TRIM9: variants seen among roughly 807,000 people sequenced by gnomAD.
TRIM9 encodes tripartite motif containing 9, also known as E3 ubiquitin-protein ligase TRIM9.
A neutral mutation model predicts 78.3 loss-of-function variants in TRIM9; 26 were observed. The ratio of observed to expected loss-of-function variants is 0.33; its 90% confidence interval spans 0.24 to 0.46. TRIM9 has a LOEUF of 0.46. Ranked by LOEUF, TRIM9 falls within the 20% of genes least tolerant of loss-of-function variation. TRIM9 has a pLI of 1.00. For synonymous variants in TRIM9, 398 were observed against 416.5 expected (o/e 0.96, Z 0.54); for missense variants, 787 against 1,036.4 (o/e 0.76, Z 3.30).
intron 1 of TRIM9, among the ~76,000 whole-genome samples, chr14:51,052,809 C>A (rs1199539684): frequency 6.6e-6 from 1 of 152,152 alleles, no homozygotes; most frequent in Non-Finnish European, 1.5e-5. Flanking sequence ...GGTCTCCTCA[C>A]TTTACTGGTG....
intron 1 of TRIM9, among the ~76,000 whole-genome samples, chr14:51,065,213 A>G (rs1403396860): frequency 6.6e-6 from 1 of 152,174 alleles, no homozygotes; most frequent in Non-Finnish European, 1.5e-5. Flanking sequence ...TATTGCTTCA[A>G]TATGTGTGAA....
intron 3 of TRIM9, among the ~76,000 whole-genome samples, chr14:51,011,869 C>T (rs1280249282): frequency 1.3e-5 from 2 of 152,112 alleles, no homozygotes; most frequent in African/African-American, 4.8e-5. Flanking sequence ...TTCCCTTTCC[C>T]CCAACTTAAT....
At chr14:51,028,001 T>G (rs906854235) in intron 1 of TRIM9, among the ~76,000 whole-genome samples, 1 of 152,202 alleles carries the variant, frequency 6.6e-6, no homozygotes, top group Non-Finnish European at 1.5e-5. Context: ...TATTCCAACC[T>G]TGCAATTAAT....
intron 1 of TRIM9, among the ~76,000 whole-genome samples, chr14:51,054,410 C>T (rs1324627611): frequency 6.6e-6 from 1 of 151,388 alleles, no homozygotes; most frequent in East Asian, 1.9e-4. Context: ...GTAGCTGAGA[C>T]TACAGGCGTA....
rs780944416 is a variant in TRIM9, at chr14:51,000,985, A to T, written c.1307-145T>A. ...GGGAACTGAACAGGATCCTTCACAG[A>T]GTCCCCAGGAGTCAGACTGGCTCCT... is the stretch of plus-strand genomic sequence containing the variant. On this transcript the variant is annotated intron_variant, in intron 5 of 12. Coordinates refer to ENST00000684578, the MANE Select transcript of TRIM9 (RefSeq NM_001387360.1). 31 of 910,390 alleles carry T rather than the reference A, an allele frequency of 3.4e-5. No individual in the cohort carries two copies. The Middle Eastern group carries it at 1.7e-3, about 48-fold the overall frequency. 56.4% of individuals were successfully genotyped at this position (910,390 alleles called of 1,614,324 possible). A position where few individuals can be genotyped will look rare whatever the true frequency, so the allele number is the denominator to read the frequency against.
At chr14:51,083,423 TAA>T (rs200045628) in intron 1 of TRIM9, among the ~76,000 whole-genome samples, 64 of 131,070 alleles carry the variant, frequency 4.9e-4, no homozygotes, top group African/African-American at 1.6e-3. Context: ...CCCAGCTAAT[TAA>T]AAAAAATTTT....
chr14:51,087,838 A>C (rs1015159460), intron 1 of TRIM9, among the ~76,000 whole-genome samples: 2 of 152,224 alleles, frequency 1.3e-5, no homozygotes, highest in East Asian at 1.9e-4. Context: ...TGTATACCAC[A>C]GATTAATGAA....
In TRIM9 at chr14:51,009,167, G is replaced by C. The variant is rs2056240692; in HGVS notation, c.1219C>G (p.Pro407Ala). Reference sequence around the variant, plus strand: ...AAGTCAAAGTCCGTGGTCATCCTTGGAGTGAGTGTGCCTTTACCCCACTGA... The same window carrying C: ...AAGTCAAAGTCCGTGGTCATCCTTGCAGTGAGTGTGCCTTTACCCCACTGA... ...EDQWGKGTLT[P>A]RMTTDFDLSL... is the part of the protein sequence containing the mutation. Residue 407 changes from proline to alanine, a missense_variant, in exon 5 of 13, where the codon CCA (proline) becomes GCA (alanine). Physicochemically the swap from Pro to Ala is conservative, Grantham distance 27 (BLOSUM62 -1). This residue lies in a region of TRIM9 where 421 missense variants were observed against 514.3 expected (regional missense o/e 0.82). Transcript: ENST00000684578. 4 of 1,614,118 alleles carry C rather than the reference G, an allele frequency of 2.5e-6. No homozygotes were observed. The highest frequency in any genetic ancestry group is 1.1e-5 in the South Asian group (1 of 91,088).
chr14:51,082,332 C>CCAAAAA (rs1181830603), intron 1 of TRIM9, among the ~76,000 whole-genome samples: 17 of 152,116 alleles, frequency 1.1e-4, no homozygotes, highest in African/African-American at 4.1e-4. Context: ...TTAGTAATAG[C>CCAAAAA]CAAAAAGTGG....
At chr14:51,035,410 T>C (rs1003189263) in intron 1 of TRIM9, among the ~76,000 whole-genome samples, 4 of 152,214 alleles carry the variant, frequency 2.6e-5, no homozygotes, top group African/African-American at 7.2e-5. Context: ...AAGAGTGCAG[T>C]CAAATCATTT....
chr14:51,059,505 CA>C (rs2061157799), intron 1 of TRIM9, among the ~76,000 whole-genome samples: 1 of 151,988 alleles, frequency 6.6e-6, no homozygotes, highest in Non-Finnish European at 1.5e-5. Flanking sequence ...CAAAACAAAA[CA>C]AAAACCTGCT....
At chr14:51,070,239 G>A (rs184794766) in intron 1 of TRIM9, among the ~76,000 whole-genome samples, 1 of 152,214 alleles carries the variant, frequency 6.6e-6, no homozygotes, top group Admixed American at 6.5e-5. Context: ...GTTCAAGCAT[G>A]AGTTATAGTG....
intron 11 of TRIM9, 57 bp from the exon 12 acceptor site, chr14:50,979,606 C>G (rs1356762792): frequency 6.8e-7 from 1 of 1,464,532 alleles, no homozygotes; most frequent in African/African-American, 1.4e-5. Context: ...TAGAAGCTCC[C>G]CCCTTTTGTG....
intron 1 of TRIM9, among the ~76,000 whole-genome samples, chr14:51,051,103 T>G (rs944749526): frequency 6.6e-6 from 1 of 152,188 alleles, no homozygotes; most frequent in Non-Finnish European, 1.5e-5. Flanking sequence ...TAGATTTAAC[T>G]CTAAGCATGA....
intron 1 of TRIM9, among the ~76,000 whole-genome samples, chr14:51,043,085 T>C (rs1269023297): frequency 6.6e-6 from 1 of 152,236 alleles, no homozygotes; most frequent in Non-Finnish European, 1.5e-5. Context: ...TTTCTAAGAA[T>C]GTTGTTATTG....
At chr14:50,999,541 A>G (rs12323589) in intron 6 of TRIM9, among the ~76,000 whole-genome samples, 2 of 152,094 alleles carry the variant, frequency 1.3e-5, no homozygotes, top group African/African-American at 2.4e-5. Flanking sequence ...GTAGAAGACA[A>G]GGCCCCTGCT....
chr14:51,083,246 TTTAA>T (rs1259814285), intron 1 of TRIM9, among the ~76,000 whole-genome samples: 2 of 152,130 alleles, frequency 1.3e-5, no homozygotes, highest in Non-Finnish European at 2.9e-5. Flanking sequence ...TCCTTAGTTT[TTTAA>T]TTAATTAATT....
chr14:50,997,629 C>T, intron 7 of TRIM9: 1 of 1,026,254 alleles, frequency 9.7e-7, no homozygotes, highest in Non-Finnish European at 1.2e-6. Flanking sequence ...TAGGTCCCAC[C>T]CTCAGAACAA....
rs1056000473 is a variant in TRIM9 at position 51,003,746 on chromosome 14, G to GA, written c.1307-2907dup. ...ACAAAAAGTCAAAGGGAGTGGAGAGGAAAAAAAAAAGAAAGAACTAACCCA... is the reference window on the plus strand; with the variant it reads ...ACAAAAAGTCAAAGGGAGTGGAGAGGAAAAAAAAAAAGAAAGAACTAACCCA... On this transcript the variant is annotated intron_variant, in intron 5 of 12. Coordinates refer to ENST00000684578, the MANE Select transcript of TRIM9 (RefSeq NM_001387360.1). Among the ~76,000 whole-genome samples the GA allele has an allele frequency of 4.9e-4, 72 of 147,166 alleles. No homozygotes were observed. The East Asian group carries it at 5.1e-3, about 10-fold the overall frequency.
Sources: gnomAD v4.1 joint callset for allele counts (sites outside exome capture counted in the v4.1 genomes callset) on GRCh38, gnomAD v4.1.1 for gene constraint, gnomAD v4.1.1 regional missense constraint, MANE v1.5 for transcripts, NCBI Gene and HGNC (gene_info 2026-07-23, HGNC 2026-07-21) for gene names.